Variants in MECOM observed in about 807,000 individuals in gnomAD.
MECOM encodes the protein histone-lysine N-methyltransferase MECOM.
In MECOM, 13 loss-of-function variants were observed where a neutral mutation model predicts 116.3. The ratio of observed to expected loss-of-function variants is 0.11; its 90% CI spans 0.07 to 0.18. MECOM has a LOEUF of 0.18. Among genes scored for constraint, MECOM ranks in the 10% least tolerant of loss-of-function variants. The pLI, the probability that MECOM is intolerant of heterozygous loss-of-function variation, is 1.00. For synonymous variants in MECOM, 528 were observed against 535.2 expected, an observed-to-expected ratio of 0.99 and a Z score of 0.19; for missense variants, 1,299 against 1,509.0, an observed-to-expected ratio of 0.86 and a Z score of 2.31.
At chr3:169,155,927 GC>G (rs1225321900) in intron 2 of MECOM, among the ~76,000 whole-genome samples, 3 of 152,064 alleles carry the variant, frequency 2.0e-5, no homozygotes, top group Admixed American at 2.0e-4. Context: ...AGCCTTCCAG[GC>G]CCTCTTTCTT....
rs923636631 is a variant in MECOM at position 169,137,950 on chromosome 3, C to T, written c.510+5748G>A. Among the ~76,000 whole-genome samples, 27 of 152,082 alleles carry T rather than the reference C, an allele frequency of 1.8e-4. 1 individual carries two copies. Among genetic ancestry groups the T allele is most frequent in the Non-Finnish European group, 2.9e-5 (2 of 67,974 alleles). Reference sequence around the variant, plus strand: ...CCCCCCAAAAATATCCATTAGCCACCTGTCTTTAATGTGGTCATTTCATCT... The same window carrying T: ...CCCCCCAAAAATATCCATTAGCCACTTGTCTTTAATGTGGTCATTTCATCT... On this transcript the variant is annotated intron_variant, in intron 3 of 16. Coordinates refer to ENST00000651503, the MANE Select transcript of MECOM (RefSeq NM_004991.4).
intron 1 of MECOM, among the ~76,000 whole-genome samples, chr3:169,427,053 A>C (rs79630806): frequency 1.3e-5 from 2 of 152,152 alleles, no homozygotes; most frequent in Non-Finnish European, 1.5e-5. Context: ...ACAAGCATGG[A>C]TATATAACAG....
intron 1 of MECOM, among the ~76,000 whole-genome samples, chr3:169,531,322 A>G (rs1344337860): frequency 1.3e-5 from 2 of 152,204 alleles, no homozygotes; most frequent in Non-Finnish European, 2.9e-5. Flanking sequence ...AAACCAATGC[A>G]GAGGAAGAGA....
At chr3:169,233,654 C>A (rs1753684649) in intron 2 of MECOM, among the ~76,000 whole-genome samples, 1 of 152,084 alleles carries the variant, frequency 6.6e-6, no homozygotes, top group African/African-American at 2.4e-5. Flanking sequence ...TTTTTTATTT[C>A]TCTGCCAGTG....
intron 2 of MECOM, among the ~76,000 whole-genome samples, chr3:169,212,214 T>G (rs1007396875): frequency 6.6e-6 from 1 of 152,018 alleles, no homozygotes; most frequent in Non-Finnish European, 1.5e-5. Context: ...GATCGCTTAA[T>G]GCAGCAGCAT....
chr3:169,277,243 A>G (rs567965712), intron 2 of MECOM, among the ~76,000 whole-genome samples: 5 of 152,308 alleles, frequency 3.3e-5, no homozygotes, highest in African/African-American at 1.2e-4. Flanking sequence ...GTATTCAAGA[A>G]TAGTTCATTT....
At chr3:169,413,810 G>A (rs1483727360) in intron 1 of MECOM, among the ~76,000 whole-genome samples, 2 of 152,192 alleles carry the variant, frequency 1.3e-5, no homozygotes, top group Non-Finnish European at 2.9e-5. Context: ...GTGCAGCAAG[G>A]CCACTGTAGT....
At chr3:169,248,592 T>G (rs1279579224) in intron 2 of MECOM, among the ~76,000 whole-genome samples, 1 of 152,156 alleles carries the variant, frequency 6.6e-6, no homozygotes, top group Non-Finnish European at 1.5e-5. Context: ...GTACCCAAGA[T>G]TATGTCCTCA....
intron 2 of MECOM, among the ~76,000 whole-genome samples, chr3:169,330,444 C>T (rs1015268751): frequency 6.6e-6 from 1 of 152,046 alleles, no homozygotes; most frequent in African/African-American, 2.4e-5. Context: ...AACATAATGA[C>T]ATCTAGTTCA....
chr3:169,132,391 G>A (rs780011383), intron 3 of MECOM, among the ~76,000 whole-genome samples: 2 of 151,546 alleles, frequency 1.3e-5, no homozygotes, highest in Non-Finnish European at 2.9e-5. Context: ...CCTGTCCAGG[G>A]ACCAGGTTTT....
intron 1 of MECOM, among the ~76,000 whole-genome samples, chr3:169,417,555 C>T (rs1054240736): frequency 1.3e-5 from 2 of 151,814 alleles, no homozygotes; most frequent in African/African-American, 2.4e-5. Context: ...TGTGGTGATT[C>T]CTCAGGGATC....
intron 4 of MECOM, among the ~76,000 whole-genome samples, chr3:169,129,609 C>T (rs929655855): frequency 6.6e-6 from 1 of 152,042 alleles, no homozygotes; most frequent in African/African-American, 2.4e-5. Context: ...TTCTCAATGA[C>T]ATTAGCTGGT....
chr3:169,225,799 G>A (rs71306629), intron 2 of MECOM, among the ~76,000 whole-genome samples: 3,005 of 152,220 alleles, frequency 0.02, 33 homozygotes, highest in Non-Finnish European at 0.03. Context: ...TAGTAAATAG[G>A]GGCTTTCACC....
chr3:169,435,238 C>CT (rs1742444257), intron 1 of MECOM, among the ~76,000 whole-genome samples: 1 of 152,204 alleles, frequency 6.6e-6, no homozygotes, highest in Non-Finnish European at 1.5e-5. Context: ...GCTTCCTTAA[C>CT]TAGCTCCTGG....
chr3:169,472,299 A>G (rs927233750), intron 1 of MECOM, among the ~76,000 whole-genome samples: 3 of 150,258 alleles, frequency 2.0e-5, no homozygotes, highest in Non-Finnish European at 3.0e-5. Flanking sequence ...TAATAATAAT[A>G]TATTCAGGAG....
intron 2 of MECOM, among the ~76,000 whole-genome samples, chr3:169,148,029 T>C (rs1257838433): frequency 6.6e-6 from 1 of 152,184 alleles, no homozygotes; most frequent in Non-Finnish European, 1.5e-5. Context: ...AAAAAAAATT[T>C]TTTTAATTGA....
chr3:169,136,590 C>T (rs1736441739), intron 3 of MECOM, among the ~76,000 whole-genome samples: 1 of 151,954 alleles, frequency 6.6e-6, no homozygotes, highest in African/African-American at 2.4e-5. Context: ...CAGTCTAACT[C>T]TGTTTTATAC....
At chr3:169,482,612 G>A (rs779430231) in intron 1 of MECOM, among the ~76,000 whole-genome samples, 1 of 152,122 alleles carries the variant, frequency 6.6e-6, no homozygotes, top group African/African-American at 2.4e-5. Context: ...GGGATTACGG[G>A]CGTGAGCCAC....
chr3:169,518,331 A>G (rs1756943122), intron 1 of MECOM, among the ~76,000 whole-genome samples: 1 of 152,084 alleles, frequency 6.6e-6, no homozygotes, highest in Admixed American at 6.5e-5. Flanking sequence ...ATTTAAAGGC[A>G]CTTAGATTCC....
Sources: allele counts gnomAD v4.1 joint callset (sites outside exome capture counted in the v4.1 genomes callset), GRCh38; gene constraint gnomAD v4.1.1; transcripts MANE v1.5; gene names NCBI Gene and HGNC (gene_info 2026-07-23, HGNC 2026-07-21).